IL1RL2: variants seen among roughly 807,000 people sequenced by gnomAD.
The protein encoded by IL1RL2 is interleukin-1 receptor-like 2.
A neutral mutation model predicts 66.8 loss-of-function variants in IL1RL2; 68 were observed. That is an observed-to-expected ratio of 1.02 (90% confidence interval 0.84 to 1.25). IL1RL2 has a LOEUF of 1.25. Ranked by LOEUF, IL1RL2 falls within the 50% of genes most tolerant of loss-of-function variation. IL1RL2 has a pLI of 0.00. For synonymous variants in IL1RL2, 305 were observed against 264.6 expected (o/e 1.15, Z -1.48); for missense variants, 729 against 709.3 (o/e 1.03, Z -0.32).
intron 4 of IL1RL2, among the ~76,000 whole-genome samples, chr2:102,198,772 G>A (rs1182020023): frequency 6.6e-6 from 1 of 151,886 alleles, no homozygotes; most frequent in Non-Finnish European, 1.5e-5. Flanking sequence ...TTCTGTGCTC[G>A]CTTTTGCTTA....
In IL1RL2 at chr2:102,233,107, A is replaced by G; in HGVS notation, c.1280A>G (p.Asp427Gly). Reference protein sequence around the residue: ...CGYKLFIFGRDEFPGQAVANV... With the variant: ...CGYKLFIFGRGEFPGQAVANV... ...TATAAGTTGTTTATATTCGGCAGAG[A>G]TGAATTCCCTGGACAAGGTGGGTTT... is the stretch of plus-strand genomic sequence containing the variant. The change falls in exon 10 of 12, where the codon GAT (aspartate) becomes GGT (glycine). Residue 427 changes from aspartate to glycine, a missense_variant. Transcript: ENST00000264257. 2 of 1,610,200 alleles carry G rather than the reference A, an allele frequency of 1.2e-6. No homozygotes were observed. The highest frequency in any genetic ancestry group is 8.5e-7 in the Non-Finnish European group (1 of 1,177,334).
chr2:102,191,032 C>T (rs1687186252), intron 3 of IL1RL2, among the ~76,000 whole-genome samples: 1 of 152,072 alleles, frequency 6.6e-6, no homozygotes, highest in African/African-American at 2.4e-5. Context: ...CAAGAACTTC[C>T]TTCTACCCTT....
intron 1 of IL1RL2, 134 bp from the exon 2 acceptor site, chr2:102,187,722 G>T: frequency 1.3e-6 from 1 of 760,168 alleles, no homozygotes; most frequent in Admixed American, 2.1e-5. Flanking sequence ...GGCCAAAGTC[G>T]GAGGGCTCCC....
At chr2:102,203,468 T>C (rs1193549110) in intron 5 of IL1RL2, among the ~76,000 whole-genome samples, 1 of 152,088 alleles carries the variant, frequency 6.6e-6, no homozygotes, top group Non-Finnish European at 1.5e-5. Context: ...GGATTGGTAT[T>C]AGTTCTTCTT....
intron 1 of IL1RL2, 113 bp from the exon 2 acceptor site, chr2:102,187,743 G>A: frequency 2.2e-6 from 2 of 893,564 alleles, no homozygotes; most frequent in Non-Finnish European, 1.9e-6. Flanking sequence ...CAGGAAAAAG[G>A]GAAGGTCAGC....
At chr2:102,214,435 A>G (rs1226630758) in intron 6 of IL1RL2, among the ~76,000 whole-genome samples, 1 of 152,202 alleles carries the variant, frequency 6.6e-6, no homozygotes, top group African/African-American at 2.4e-5. Flanking sequence ...CAGCATTCAC[A>G]ATTGCAATAC....
At chr2:102,207,334 A>G (rs2178675) in intron 5 of IL1RL2, among the ~76,000 whole-genome samples, 42,674 of 152,114 alleles carry the variant, frequency 0.28, 6,627 homozygotes, top group East Asian at 0.39. Context: ...ACTGCAGCTA[A>G]TAATGTGCTC....
chr2:102,223,933 C>T lies in IL1RL2; in HGVS notation c.992-1965C>T, dbSNP rs556905819. ...AAGTGCCCAGGATTGGATTGGGCAC[C>T]GGTGTGTGGTGCAGTGCGTCTATAC... On this transcript the variant is annotated intron_variant, in intron 8 of 11. Coordinates refer to ENST00000264257, the MANE Select transcript of IL1RL2 (RefSeq NM_003854.4). Among the ~76,000 whole-genome samples, 164 of 152,132 alleles carry T rather than the reference C, an allele frequency of 1.1e-3. 1 individual carries two copies. Among genetic ancestry groups the T allele is most frequent in the African/African-American group, 3.8e-3 (158 of 41,490 alleles).
chr2:102,225,086 T>C (rs374069755), intron 8 of IL1RL2, among the ~76,000 whole-genome samples: 3 of 152,190 alleles, frequency 2.0e-5, no homozygotes, highest in African/African-American at 4.8e-5. Flanking sequence ...GGGTCTTCTT[T>C]GGTGGTATGG....
chr2:102,241,036 C>A (rs1675217188), downstream of IL1RL2, among the ~76,000 whole-genome samples: 1 of 152,270 alleles, frequency 6.6e-6, no homozygotes, highest in African/African-American at 2.4e-5. Context: ...GCTGTCCAGC[C>A]CGAAGCTCAC....
chr2:102,205,953 G>A (rs1409443704), intron 5 of IL1RL2, among the ~76,000 whole-genome samples: 3 of 151,956 alleles, frequency 2.0e-5, no homozygotes, highest in Non-Finnish European at 2.9e-5. Context: ...TCCTTTGACT[G>A]TGTATTTTCA....
At position 102,189,142 on chromosome 2, in the gene IL1RL2, G is replaced by T; in HGVS notation, c.125G>T (p.Cys42Phe). The change falls in exon 3 of 12, where the codon TGT becomes TTT. Residue 42 changes from cysteine (C) to phenylalanine (F), a missense_variant. Physicochemically the swap from Cys to Phe is radical, Grantham distance 205. Transcript: ENST00000264257. ...GCAAGCCAGCCTTTTGCTTTTAATT[G>T]TACATTCCCTCCCATAACATCTGGG... ...LSASQPFAFN[C>F]TFPPITSGEV... 1 of 1,613,966 alleles carries T rather than the reference G, an allele frequency of 6.2e-7. No homozygotes were observed. The highest frequency in any genetic ancestry group is 8.5e-7 in the Non-Finnish European group (1 of 1,179,964).
chr2:102,236,025 G>C (rs757645679), intron 11 of IL1RL2: 2 of 780,128 alleles, frequency 2.6e-6, no homozygotes, highest in Admixed American at 1.3e-4. Context: ...TGTGAGAGAC[G>C]CAATTAGCAC....
At chr2:102,222,027 T>C (rs1690185512) in intron 8 of IL1RL2, among the ~76,000 whole-genome samples, 2 of 152,232 alleles carry the variant, frequency 1.3e-5, no homozygotes, top group African/African-American at 2.4e-5. Flanking sequence ...CCTCCCCTCC[T>C]GATAATCATC....
At chr2:102,189,952 G>A (rs1687089552) in intron 3 of IL1RL2, among the ~76,000 whole-genome samples, 1 of 152,092 alleles carries the variant, frequency 6.6e-6, no homozygotes, top group South Asian at 2.1e-4. Context: ...TAGCCCGGCC[G>A]CTGCCATCTT....
downstream of IL1RL2, among the ~76,000 whole-genome samples, chr2:102,242,745 G>A (rs1359263778): frequency 1.3e-5 from 2 of 152,106 alleles, no homozygotes; most frequent in Non-Finnish European, 2.9e-5. Context: ...TTACAGACAC[G>A]TCCATAAATA....
At chr2:102,200,229 G>A (rs544985002) in intron 4 of IL1RL2, among the ~76,000 whole-genome samples, 16 of 150,674 alleles carry the variant, frequency 1.1e-4, no homozygotes, top group Non-Finnish European at 1.8e-4. Context: ...TTCCCATTTT[G>A]TTTGACAAGC....
At chr2:102,236,641 C>G (rs1674912135) in intron 11 of IL1RL2, among the ~76,000 whole-genome samples, 1 of 152,154 alleles carries the variant, frequency 6.6e-6, no homozygotes, top group Admixed American at 6.5e-5. Flanking sequence ...TAAGTACATT[C>G]ACACTGTTGT....
At chr2:102,200,524 C>T (rs989300948) in intron 4 of IL1RL2, among the ~76,000 whole-genome samples, 11 of 152,082 alleles carry the variant, frequency 7.2e-5, no homozygotes. Flanking sequence ...TGTGCACTTC[C>T]TGAGGAGAGG....
Sources: gnomAD v4.1 joint callset for allele counts (sites outside exome capture counted in the v4.1 genomes callset) on GRCh38, gnomAD v4.1.1 for gene constraint, MANE v1.5 for transcripts, NCBI Gene and HGNC (gene_info 2026-07-23, HGNC 2026-07-21) for gene names.